Variants in ANGPTL6 observed in about 807,000 individuals in gnomAD.
ANGPTL6 encodes the protein angiopoietin like 6, also known as angiopoietin-related protein 6.
In ANGPTL6, 45 loss-of-function variants were observed where a neutral mutation model predicts 47.4. The observed-to-expected ratio is 0.95, with a 90% CI of 0.75 to 1.22. The LOEUF (loss-of-function observed/expected upper bound fraction) is 1.22. ANGPTL6 is among the 50% of genes most tolerant of loss of function. ANGPTL6 has a pLI of 0.00. For synonymous variants in ANGPTL6, 290 were observed against 295.9 expected (o/e 0.98, Z 0.20); for missense variants, 698 against 669.4 (o/e 1.04, Z -0.47).
intron 1 of ANGPTL6, among the ~76,000 whole-genome samples, chr19:10,102,334 G>T (rs1049463018): frequency 1.3e-4 from 20 of 151,404 alleles, no homozygotes; most frequent in Non-Finnish European, 3.0e-5. Flanking sequence ...ACCAAGCAGG[G>T]GCTCACAAGG....
chr19:10,096,081 G>A lies in ANGPTL6; in HGVS notation c.483C>T (p.Asp161=), dbSNP rs745759609. 1.3e-6 allele frequency: 2 copies of A among 1,493,038 alleles called. No individual in the cohort carries two copies. Among genetic ancestry groups the A allele is most frequent in the Admixed American group, 2.2e-5 (1 of 46,182 alleles). 92.5% of individuals were successfully genotyped at this position (1,493,038 alleles called of 1,614,324 possible). Residue 161 remains aspartate, a synonymous_variant, in exon 2 of 6, where the codon GAC becomes GAT. Coordinates refer to ENST00000253109, the MANE Select transcript of ANGPTL6 (RefSeq NM_031917.3). ...QRAAARFHQL[D]VKFRELAQLV... ...GCTGCGCCAGCTCGCGGAACTTGAC[G>A]TCCAGCTGGTGGAACCGGGCGGCTG...
rs1390520947 is a variant in ANGPTL6, at chr19:10,096,313, G to A, written c.251C>T (p.Ala84Val). ...CTCGCCGGCCACGGCGCCGTCGGCC[G>A]CCGCCAGCCTCTGCAGCTCGCGTAA... ...ELLRELQRLA[A>V]ADGAVAGEVR... Residue 84 changes from alanine (A) to valine (V), a missense_variant, in exon 2 of 6, where the codon GCG becomes GTG. By Grantham distance (64) the Ala-to-Val change is moderately conservative. Coordinates refer to ENST00000253109, the MANE Select transcript of ANGPTL6 (RefSeq NM_031917.3). 1.6e-6 allele frequency: 2 copies of A among 1,243,924 alleles called. No homozygotes were observed. Among genetic ancestry groups the A allele is most frequent in the Non-Finnish European group, 2.0e-6 (2 of 996,518 alleles). The allele number at this position is 1,243,924 out of a possible 1,614,324, so 77.1% of individuals were successfully genotyped here.
chr19:10,094,004 CAA>C, intron 3 of ANGPTL6, 124 bp from the exon 4 acceptor site: 3 of 1,011,564 alleles, frequency 3.0e-6, no homozygotes, highest in Admixed American at 2.3e-5. Context: ...ACTTTTCTAC[CAA>C]AGAGTCCTGC....
intron 1 of ANGPTL6, among the ~76,000 whole-genome samples, chr19:10,098,837 T>C (rs2088608342): frequency 6.7e-6 from 1 of 148,844 alleles, no homozygotes; most frequent in Non-Finnish European, 1.5e-5. Flanking sequence ...AAAAAAAAAA[T>C]AGCAAAGGGA....
chr19:10,101,320 G>A (rs995849589), intron 1 of ANGPTL6, among the ~76,000 whole-genome samples: 2 of 152,208 alleles, frequency 1.3e-5, no homozygotes, highest in Non-Finnish European at 2.9e-5. Context: ...AAGGCAGGAG[G>A]ATTGCTTGAG....
At chr19:10,100,233 G>A (rs1181907133) in intron 1 of ANGPTL6, among the ~76,000 whole-genome samples, 3 of 151,782 alleles carry the variant, frequency 2.0e-5, no homozygotes, top group African/African-American at 7.2e-5. Flanking sequence ...CAACCTGGGT[G>A]AGACTCCATC....
chr19:10,097,899 G>A (rs1247755982), intron 1 of ANGPTL6, among the ~76,000 whole-genome samples: 1 of 151,342 alleles, frequency 6.6e-6, no homozygotes, highest in African/African-American at 2.4e-5. Context: ...ATAACAGTAG[G>A]ACTGGTGAGG....
intron 1 of ANGPTL6, among the ~76,000 whole-genome samples, chr19:10,098,976 C>T (rs1054399879): frequency 6.6e-6 from 1 of 152,158 alleles, no homozygotes; most frequent in Non-Finnish European, 1.5e-5. Flanking sequence ...CCCATCTCAG[C>T]AGATCTAATC....
chr19:10,092,403 A>T lies in ANGPTL6; in HGVS notation c.*186T>A. The T allele has an allele frequency of 6.6e-7, 1 of 1,519,648 alleles. No individual in the cohort carries two copies. 94.1% of individuals were successfully genotyped at this position (1,519,648 alleles called of 1,614,324 possible). On this transcript the variant is annotated 3_prime_UTR_variant, in exon 6 of 6. Transcript: ENST00000253109. ...GAGATATGAATGACCTTGGGGAGCC[A>T]TCTGAGGCCAAGATATTGACGGGGG...
chr19:10,099,307 T>A (rs1351672322), intron 1 of ANGPTL6, among the ~76,000 whole-genome samples: 1 of 152,118 alleles, frequency 6.6e-6, no homozygotes, highest in Non-Finnish European at 1.5e-5. Flanking sequence ...GCTATCTTGG[T>A]GACTCACGCC....
At chr19:10,094,604 C>A in intron 3 of ANGPTL6, 154 bp downstream of exon 3, 3 of 933,990 alleles carry the variant, frequency 3.2e-6, no homozygotes, top group Non-Finnish European at 5.0e-6. Context: ...TCTTGTTTCT[C>A]CTATTTTCAC....
intron 1 of ANGPTL6, among the ~76,000 whole-genome samples, chr19:10,097,699 A>G (rs924108136): frequency 7.2e-5 from 11 of 151,874 alleles, no homozygotes; most frequent in Non-Finnish European, 1.3e-4. Flanking sequence ...TAAAAATACA[A>G]AAAGTTAGCT....
intron 1 of ANGPTL6, among the ~76,000 whole-genome samples, chr19:10,098,456 A>T (rs2088598327): frequency 6.6e-6 from 1 of 152,172 alleles, no homozygotes; most frequent in South Asian, 2.1e-4. Context: ...CTGGTGGAGG[A>T]GCAGATCTAA....
chr19:10,100,759 C>T (rs1008806333), intron 1 of ANGPTL6, among the ~76,000 whole-genome samples: 22 of 152,212 alleles, frequency 1.4e-4, no homozygotes, highest in Admixed American at 6.5e-5. Context: ...ATAAGTCAAA[C>T]AGCCGCTAGG....
At chr19:10,097,710 G>A (rs2088581723) in intron 1 of ANGPTL6, among the ~76,000 whole-genome samples, 1 of 151,922 alleles carries the variant, frequency 6.6e-6, no homozygotes, top group Non-Finnish European at 1.5e-5. Context: ...AAAGTTAGCT[G>A]GGCGTGGTGG....
In ANGPTL6 at chr19:10,092,603, G is replaced by A. The variant is rs1451367920; in HGVS notation, c.1399C>T (p.Pro467Ser). 3 of 1,607,034 alleles carry A rather than the reference G, an allele frequency of 1.9e-6. No homozygotes were observed. Among genetic ancestry groups the A allele is most frequent in the East Asian group, 2.2e-5 (1 of 44,694 alleles). Reference sequence around the variant, plus strand: ...GGAACACAGAGTCACAGCTTCAGGGGCCGAATGAGCATGGCGGCCTTCCTG... The same window carrying A: ...GGAACACAGAGTCACAGCTTCAGGGACCGAATGAGCATGGCGGCCTTCCTG... ...SLRKAAMLIR[P>S]LKL The change falls in exon 6 of 6, where the codon CCC becomes TCC. Residue 467 changes from proline to serine, a missense_variant. Coordinates refer to ENST00000253109, the MANE Select transcript of ANGPTL6 (RefSeq NM_031917.3).
upstream of ANGPTL6, among the ~76,000 whole-genome samples, chr19:10,104,011 T>C (rs1039049656): frequency 9.8e-5 from 14 of 142,724 alleles, no homozygotes; most frequent in African/African-American, 3.7e-4. Context: ...GAGAATCGCT[T>C]GAACCCGGGG....
In ANGPTL6 at chr19:10,092,636, A is replaced by G. The variant is rs1180670150; in HGVS notation, c.1366T>C (p.Tyr456His). 1.2e-6 allele frequency: 2 copies of G among 1,613,394 alleles called. No individual in the cohort carries two copies. Among genetic ancestry groups the G allele is most frequent in the South Asian group, 2.2e-5 (2 of 91,026 alleles). The change falls in exon 6 of 6, where the codon TAT becomes CAT. Residue 456 changes from tyrosine (Y) to histidine (H), a missense_variant. Physicochemically the swap from Tyr to His is moderately conservative, Grantham distance 83. Coordinates refer to ENST00000253109, the MANE Select transcript of ANGPTL6 (RefSeq NM_031917.3). ...AGCATGGCGGCCTTCCTGAGAGAAT[A>G]TGCCCCACCACGAAACTCAGCCCAG... ...VYWAEFRGGA[Y>H]SLRKAAMLIR...
chr19:10,097,386 G>GAA (rs376215894), intron 1 of ANGPTL6, among the ~76,000 whole-genome samples: 1 of 111,148 alleles, frequency 9.0e-6, no homozygotes, highest in Non-Finnish European at 2.0e-5. Flanking sequence ...TGTCTCAAAA[G>GAA]AAAAAAAAAA....
Sources: gnomAD v4.1 joint callset for allele counts (sites outside exome capture counted in the v4.1 genomes callset) on GRCh38, gnomAD v4.1.1 for gene constraint, MANE v1.5 for transcripts, NCBI Gene and HGNC (gene_info 2026-07-23, HGNC 2026-07-21) for gene names.